Variants in SETDB1 observed in about 807,000 individuals in gnomAD.
The protein encoded by SETDB1 is histone-lysine N-methyltransferase SETDB1.
In SETDB1, 31 loss-of-function variants were observed where a neutral mutation model predicts 137.4. The ratio of observed to expected loss-of-function variants is 0.23; its 90% CI spans 0.17 to 0.30. The LOEUF is 0.30. SETDB1 is among the 10% of genes least tolerant of loss of function. SETDB1 has a pLI of 1.00. For missense variants in SETDB1, 1,113 were observed against 1,631.5 expected (o/e 0.68, Z 5.47); for synonymous variants, 548 against 579.9 (o/e 0.95, Z 0.79).
intron 3 of SETDB1, among the ~76,000 whole-genome samples, chr1:150,933,887 G>A (rs187912069): frequency 4.1e-5 from 6 of 147,852 alleles, no homozygotes; most frequent in South Asian, 2.1e-4. Context: ...GGGTTCAAGC[G>A]ATTCTCCTGC....
chr1:150,931,261 C>CAAAAAAAAAAAA (rs767694682), intron 3 of SETDB1, among the ~76,000 whole-genome samples: 1,683 of 67,236 alleles, frequency 0.025, 92 homozygotes, highest in Non-Finnish European at 0.027. Flanking sequence ...CTCTTGTCTT[C>CAAAAAAAAAAAA]AAAAAAAAAA....
chr1:150,941,638 T>C (rs187176630), intron 5 of SETDB1, among the ~76,000 whole-genome samples: 97 of 152,240 alleles, frequency 6.4e-4, no homozygotes, highest in African/African-American at 2.3e-3. Context: ...GCTGTTTCCA[T>C]CCTCATGACT....
intron 10 of SETDB1, among the ~76,000 whole-genome samples, chr1:150,947,968 G>A (rs587613950): frequency 3.3e-5 from 5 of 151,978 alleles, no homozygotes; most frequent in East Asian, 3.9e-4. Context: ...ATGGTGGCTC[G>A]TGTCTGTAGT....
At position 150,959,071 on chromosome 1, in the gene SETDB1, C is replaced by T. The variant is rs587730766; in HGVS notation, c.2334-107C>T. ...CATTACCTAATTTTTAATCTTTATC[C>T]ACAACACATTATAAATGATGATAGC... On this transcript the variant is annotated intron_variant, in intron 14 of 21. Transcript: ENST00000692827. The T allele has an allele frequency of 1.7e-5, 13 of 767,670 alleles. No homozygotes were observed. In the African/African-American group the frequency reaches 2.2e-4, roughly 13 times the overall value. 47.6% of individuals were successfully genotyped at this position (767,670 alleles called of 1,614,324 possible).
At position 150,964,060 on chromosome 1, in the gene SETDB1, C is replaced by A; in HGVS notation, c.3738C>A (p.Pro1246=). 2 of 1,614,066 alleles carry A rather than the reference C, an allele frequency of 1.2e-6. No homozygotes were observed. Among genetic ancestry groups the A allele is most frequent in the Non-Finnish European group, 1.7e-6 (2 of 1,179,952 alleles). ...VFVDTHDLRF[P]WVAFFASKRI... ...TGGATACCCATGATCTTCGCTTCCC[C>A]TGGGTGGCCTTCTTTGCCAGCAAGT... Residue 1246 remains proline (P), a synonymous_variant, in exon 21 of 22, where the codon CCC becomes CCA. Coordinates refer to ENST00000692827, the MANE Select transcript of SETDB1 (RefSeq NM_001366418.1).
intron 5 of SETDB1, among the ~76,000 whole-genome samples, chr1:150,942,240 A>C (rs1670187229): frequency 6.6e-6 from 1 of 151,842 alleles, no homozygotes; most frequent in African/African-American, 2.4e-5. Flanking sequence ...AAAGATAGAG[A>C]CCATCCTGGC....
At chr1:150,951,856 A>G (rs1468364178) in intron 14 of SETDB1, among the ~76,000 whole-genome samples, 1 of 152,186 alleles carries the variant, frequency 6.6e-6, no homozygotes, top group African/African-American at 2.4e-5. Flanking sequence ...GAATGAAAAA[A>G]GTTAGAATCA....
At chr1:150,939,251 A>ATT (rs71580343) in intron 3 of SETDB1, among the ~76,000 whole-genome samples, 37,583 of 107,012 alleles carry the variant, frequency 0.35, 7,239 homozygotes, top group South Asian at 0.48. Context: ...TGCACCCAGC[A>ATT]TTTTTTTTTT....
chr1:150,963,636 G>A lies in SETDB1; in HGVS notation c.3567G>A (p.Gly1189=), dbSNP rs1558028903. The A allele has an allele frequency of 6.2e-7, 1 of 1,614,114 alleles. No homozygotes were observed. The highest frequency in any genetic ancestry group is 2.2e-5 in the East Asian group (1 of 44,862). ...CCAACATGGCCTCTGTGGACAAGGG[G>A]GAGAGCGCACCTGTTCGTAAGAACA... ...KSTNMASVDK[G]ESAPVRKNTR... Residue 1189 remains glycine (G), a synonymous_variant, in exon 20 of 22, where the codon GGG becomes GGA. Coordinates refer to ENST00000692827, the MANE Select transcript of SETDB1 (RefSeq NM_001366418.1).
In SETDB1 at chr1:150,963,131, A is replaced by T. The variant is rs770556011; in HGVS notation, c.3452A>T (p.Asn1151Ile). 7 of 1,611,792 alleles carry T rather than the reference A, an allele frequency of 4.3e-6. No homozygotes were observed. The highest frequency in any genetic ancestry group is 5.1e-6 in the Non-Finnish European group (6 of 1,178,348). ...GGGGATGACTTTGAGGACAAGAAGA[A>T]CATGACTGGTAGCCTGGAAAAATTT... Reference protein sequence around the residue: ...SEGDDFEDKKNMTGPMKRQVA... With the variant: ...SEGDDFEDKKIMTGPMKRQVA... Residue 1151 changes from asparagine (N) to isoleucine (I), a missense_variant, in exon 19 of 22, where the codon AAC (asparagine) becomes ATC (isoleucine). By Grantham distance (149) the Asn-to-Ile change is moderately radical. Coordinates refer to ENST00000692827, the MANE Select transcript of SETDB1 (RefSeq NM_001366418.1).
At chr1:150,956,702 A>G (rs903407438) in intron 14 of SETDB1, among the ~76,000 whole-genome samples, 1 of 151,004 alleles carries the variant, frequency 6.6e-6, no homozygotes, top group Non-Finnish European at 1.5e-5. Context: ...CGTTTCAATA[A>G]TCTTTTATTT....
intron 1 of SETDB1, 164 bp downstream of exon 1, chr1:150,926,681 G>T (rs1669531297): frequency 9.6e-6 from 5 of 520,936 alleles, no homozygotes; most frequent in Non-Finnish European, 2.0e-5. Context: ...CCTAGAATGG[G>T]TAGCACGGGG....
intron 14 of SETDB1, among the ~76,000 whole-genome samples, chr1:150,956,699 A>G (rs587672567): frequency 2.0e-4 from 31 of 151,866 alleles, no homozygotes; most frequent in African/African-American, 6.3e-4. Context: ...TTACGTTTCA[A>G]TAATCTTTTA....
At chr1:150,934,179 T>TA (rs1193632691) in intron 3 of SETDB1, among the ~76,000 whole-genome samples, 1 of 152,008 alleles carries the variant, frequency 6.6e-6, no homozygotes, top group Non-Finnish European at 1.5e-5. Flanking sequence ...CTGGTAAAAA[T>TA]ACAGCCATTT....
rs771193759 is a variant in SETDB1 at position 150,941,278 on chromosome 1, T to C, written c.448-51T>C. The C allele has an allele frequency of 6.1e-6, 6 of 979,028 alleles. No homozygotes were observed. The South Asian group carries it at 8.3e-5, about 14-fold the overall frequency. The allele number at this position is 979,028 out of a possible 1,614,324, so 60.6% of individuals were successfully genotyped here. Reference sequence around the variant, plus strand: ...TTGTTTCTTATTCTGAAGTTATTTGTAACCCATGCTACTGTTTCAAAACTT... The same window carrying C: ...TTGTTTCTTATTCTGAAGTTATTTGCAACCCATGCTACTGTTTCAAAACTT... On this transcript the variant is annotated intron_variant, in intron 4 of 21. Coordinates refer to ENST00000692827, the MANE Select transcript of SETDB1 (RefSeq NM_001366418.1).
At chr1:150,940,636 G>C (rs2102684148) in intron 4 of SETDB1, among the ~76,000 whole-genome samples, 1 of 151,982 alleles carries the variant, frequency 6.6e-6, no homozygotes, top group East Asian at 1.9e-4. Flanking sequence ...GGGAGGCTGA[G>C]GCAGGTGGAT....
chr1:150,943,011 C>T lies in SETDB1; in HGVS notation c.833C>T (p.Ala278Val). 1 of 1,614,094 alleles carries T rather than the reference C, an allele frequency of 6.2e-7. No homozygotes were observed. The highest frequency in any genetic ancestry group is 8.5e-7 in the Non-Finnish European group (1 of 1,179,998). ...GATGGGAATCAGGTCTGGCTCTATGCTGGCATTGTAGCTGAGACACCAAAC... is the reference window on the plus strand; with the variant it reads ...GATGGGAATCAGGTCTGGCTCTATGTTGGCATTGTAGCTGAGACACCAAAC... ...YKDGNQVWLY[A>V]GIVAETPNVK... is the part of the protein sequence containing the mutation. The change falls in exon 7 of 22, where the codon GCT becomes GTT. Residue 278 changes from alanine to valine, a missense_variant. Around this residue, in one of 11 missense-constraint regions of SETDB1, gnomAD observed 154 missense variants for 303.1 expected, o/e 0.51. Transcript: ENST00000692827.
chr1:150,950,149 G>A (rs767056405), intron 12 of SETDB1, among the ~76,000 whole-genome samples: 10 of 152,026 alleles, frequency 6.6e-5, no homozygotes, highest in Non-Finnish European at 1.5e-4. Flanking sequence ...CAGGAGAATC[G>A]CTTGAACCCA....
Position 150,943,903 on chromosome 1 carries a change from T to C in SETDB1, c.876-17T>C. ...TCATAACCCCCAGATCTTTCTGCTG[T>C]CACTCTTCTTTTATAGGTTTCTCAT... On this transcript the variant is annotated splice_polypyrimidine_tract_variant and intron_variant, in intron 7 of 21. Coordinates refer to ENST00000692827, the MANE Select transcript of SETDB1 (RefSeq NM_001366418.1). 6.5e-7 allele frequency: 1 copy of C among 1,533,436 alleles called. No individual in the cohort carries two copies. Among genetic ancestry groups the C allele is most frequent in the Non-Finnish European group, 9.0e-7 (1 of 1,107,062 alleles). The allele number at this position is 1,533,436 out of a possible 1,614,324, so 95.0% of individuals were successfully genotyped here.
Sources: gnomAD v4.1 joint callset for allele counts (sites outside exome capture counted in the v4.1 genomes callset) on GRCh38, gnomAD v4.1.1 for gene constraint, gnomAD v4.1.1 regional missense constraint, MANE v1.5 for transcripts, NCBI Gene and HGNC (gene_info 2026-07-23, HGNC 2026-07-21) for gene names.